RASSF8: variants seen among roughly 807,000 people sequenced by gnomAD.
RASSF8 encodes ras association domain-containing protein 8.
RASSF8 carries 22 observed loss-of-function variants against 48.5 expected under a neutral mutation model. The ratio of observed to expected loss-of-function variants is 0.45; its 90% confidence interval spans 0.32 to 0.65. The LOEUF is 0.65. RASSF8 is among the 30% of genes least tolerant of loss of function. The pLI is 0.03. For synonymous variants in RASSF8, 127 were observed against 171.5 expected (o/e 0.74, Z 2.03); for missense variants, 418 against 489.2 (o/e 0.85, Z 1.37).
intron 2 of RASSF8, among the ~76,000 whole-genome samples, chr12:26,041,029 G>A (rs1039724575): frequency 1.3e-5 from 2 of 149,210 alleles, no homozygotes; most frequent in South Asian, 2.2e-4. Flanking sequence ...TTGGGACTAC[G>A]GGTGCCCGCC....
chr12:25,984,793 C>G (rs1037248044), intron 1 of RASSF8, among the ~76,000 whole-genome samples: 2 of 152,138 alleles, frequency 1.3e-5, no homozygotes, highest in Non-Finnish European at 2.9e-5. Flanking sequence ...TGAATGTTTC[C>G]TTTTGTTTAT....
At chr12:26,044,309 G>A (rs1001275852) in intron 2 of RASSF8, among the ~76,000 whole-genome samples, 3 of 152,076 alleles carry the variant, frequency 2.0e-5, no homozygotes, top group Admixed American at 6.5e-5. Context: ...TTGAGTTTTG[G>A]TTTTTACTGT....
At chr12:26,048,411 A>AG (rs1338518368) in intron 2 of RASSF8, among the ~76,000 whole-genome samples, 1 of 152,060 alleles carries the variant, frequency 6.6e-6, no homozygotes, top group Non-Finnish European at 1.5e-5. Context: ...GGTAGAGAGG[A>AG]GGGGGAAAAA....
chr12:26,057,447 G>T (rs1943631586), intron 3 of RASSF8, among the ~76,000 whole-genome samples: 1 of 152,114 alleles, frequency 6.6e-6, no homozygotes, highest in Non-Finnish European at 1.5e-5. Flanking sequence ...TCCTTACAAA[G>T]GACATGGACT....
intron 3 of RASSF8, among the ~76,000 whole-genome samples, chr12:26,063,430 C>T (rs1474486018): frequency 6.6e-6 from 1 of 151,728 alleles, no homozygotes; most frequent in East Asian, 1.9e-4. Flanking sequence ...CAGAGTCTTA[C>T]TCTGTCACCC....
At chr12:26,012,980 G>A (rs184639546) in intron 2 of RASSF8, among the ~76,000 whole-genome samples, 2 of 152,230 alleles carry the variant, frequency 1.3e-5, no homozygotes, top group Non-Finnish European at 2.9e-5. Context: ...CTGGCCTCAC[G>A]TGAGTTTTAA....
intron 2 of RASSF8, among the ~76,000 whole-genome samples, chr12:26,047,778 A>G (rs764713434): frequency 5.9e-5 from 9 of 152,216 alleles, no homozygotes; most frequent in East Asian, 1.9e-4. Context: ...CCCTGCCATC[A>G]GGGGTCAGAT....
At chr12:26,075,309 G>A, downstream of RASSF8, among the ~76,000 whole-genome samples, 1 of 152,248 alleles carries the variant, frequency 6.6e-6, no homozygotes, top group African/African-American at 2.4e-5. Context: ...TGTTGGGCAA[G>A]GGGTTGGCAC....
intron 2 of RASSF8, among the ~76,000 whole-genome samples, chr12:26,001,199 A>T (rs1206686350): frequency 1.5e-4 from 20 of 136,954 alleles, no homozygotes; most frequent in East Asian, 1.3e-3. Context: ...CTAATTTTTA[A>T]TTTTTTTTTT....
intron 1 of RASSF8, among the ~76,000 whole-genome samples, chr12:25,965,908 G>A (rs1218231437): frequency 1.3e-5 from 2 of 152,148 alleles, no homozygotes; most frequent in Non-Finnish European, 2.9e-5. Context: ...CATTGTGTGA[G>A]TACACAGCAA....
intron 2 of RASSF8, among the ~76,000 whole-genome samples, chr12:26,027,435 C>G (rs1049793397): frequency 6.6e-6 from 1 of 152,224 alleles, no homozygotes; most frequent in African/African-American, 2.4e-5. Flanking sequence ...AAGAAAGACA[C>G]TGAAGGGTCA....
At chr12:25,975,282 A>C (rs907575286) in intron 1 of RASSF8, among the ~76,000 whole-genome samples, 9 of 152,328 alleles carry the variant, frequency 5.9e-5, no homozygotes, top group Admixed American at 3.3e-4. Context: ...AGATGTGCAC[A>C]GTGGGCTGGG....
At chr12:26,034,592 A>G (rs372935018) in intron 2 of RASSF8, among the ~76,000 whole-genome samples, 2 of 152,222 alleles carry the variant, frequency 1.3e-5, no homozygotes, top group African/African-American at 4.8e-5. Context: ...TGACTAAGCA[A>G]ATAATCTTAG....
chr12:25,968,357 T>A (rs1363303174), intron 1 of RASSF8, among the ~76,000 whole-genome samples: 1 of 152,226 alleles, frequency 6.6e-6, no homozygotes, highest in Non-Finnish European at 1.5e-5. Flanking sequence ...TTATTTATTT[T>A]TTTGAGACAG....
chr12:26,035,687 CTT>C (rs1331102736), intron 2 of RASSF8, among the ~76,000 whole-genome samples: 1 of 142,798 alleles, frequency 7.0e-6, no homozygotes, highest in African/African-American at 2.5e-5. Context: ...ACAATAAACA[CTT>C]GTTTTTTTTT....
At chr12:25,998,808 G>A (rs896747319) in intron 2 of RASSF8, among the ~76,000 whole-genome samples, 25 of 151,906 alleles carry the variant, frequency 1.6e-4, no homozygotes, top group Middle Eastern at 3.4e-3. Flanking sequence ...ATTCATTTAA[G>A]GAAACTTGGA....
At chr12:26,003,784 A>T (rs116258798) in intron 2 of RASSF8, among the ~76,000 whole-genome samples, 7,420 of 152,174 alleles carry the variant, frequency 0.049, 218 homozygotes, top group Middle Eastern at 0.092. Flanking sequence ...TTATATTTTT[A>T]AAAAAATCTA....
intron 1 of RASSF8, among the ~76,000 whole-genome samples, chr12:25,980,467 G>C (rs1941714817): frequency 6.6e-6 from 1 of 152,166 alleles, no homozygotes; most frequent in Non-Finnish European, 1.5e-5. Context: ...ACCAAACACT[G>C]GAATTCCAGA....
At chr12:26,040,159 TTAAA>T (rs147035024) in intron 2 of RASSF8, among the ~76,000 whole-genome samples, 2,568 of 152,336 alleles carry the variant, frequency 0.017, 53 homozygotes, top group African/African-American at 0.051. Flanking sequence ...AATCATAACT[TTAAA>T]TATATTAGTA....
Sources: allele counts gnomAD v4.1 joint callset (sites outside exome capture counted in the v4.1 genomes callset), GRCh38; gene constraint gnomAD v4.1.1; transcripts MANE v1.5; gene names NCBI Gene and HGNC (gene_info 2026-07-23, HGNC 2026-07-21).